ASIC2: variants seen among roughly 807,000 people sequenced by gnomAD.
ASIC2 encodes acid sensing ion channel subunit 2, also known as acid-sensing ion channel 2.
ASIC2 carries 25 observed loss-of-function variants against 57.3 expected under a neutral mutation model. The ratio of observed to expected loss-of-function variants is 0.44; its 90% confidence interval spans 0.32 to 0.61. ASIC2 has a LOEUF of 0.61. Ranked by LOEUF, ASIC2 falls within the 20% of genes least tolerant of loss-of-function variation. The probability of loss-of-function intolerance (pLI) is 0.06; values close to 1 mark genes in which losing one functional copy is unlikely to be tolerated. For synonymous variants in ASIC2, 319 were observed against 307.5 expected (o/e 1.04, Z -0.39); for missense variants, 641 against 738.1 (o/e 0.87, Z 1.52).
chr17:34,046,402 A>T (rs1003128427), intron 1 of ASIC2, among the ~76,000 whole-genome samples: 1 of 152,206 alleles, frequency 6.6e-6, no homozygotes, highest in African/African-American at 2.4e-5. Context: ...GGGTTGTGCA[A>T]TAGTACTTGA....
chr17:33,111,725 T>G, intron 2 of ASIC2, 192 bp downstream of exon 2: 48 of 628,642 alleles, frequency 7.6e-5, no homozygotes, highest in East Asian at 1.1e-4. Context: ...CTCTCTCACA[T>G]AGTAAAAGGT....
chr17:33,229,377 A>T, intron 1 of ASIC2, among the ~76,000 whole-genome samples: 1 of 152,170 alleles, frequency 6.6e-6, no homozygotes, highest in East Asian at 1.9e-4. Flanking sequence ...GACAGATATG[A>T]GGAATGTGGT....
intron 1 of ASIC2, among the ~76,000 whole-genome samples, chr17:33,568,043 AT>A (rs1286295448): frequency 6.6e-6 from 1 of 152,114 alleles, no homozygotes; most frequent in African/African-American, 2.4e-5. Context: ...TTGTTTTTAT[AT>A]TTGATTACTC....
rs189479442 is a variant in ASIC2 at position 33,355,301 on chromosome 17, C to T, written c.556-243234G>A. Among the ~76,000 whole-genome samples, 206 of 152,250 alleles carry T rather than the reference C, an allele frequency of 1.4e-3. 1 individual carries two copies. The highest frequency in any genetic ancestry group is 4.5e-3 in the African/African-American group (186 of 41,536). On this transcript the variant is annotated intron_variant, in intron 1 of 9. Coordinates refer to the ASIC2 transcript ENST00000359872. ...AGTGAGCCAAGATTGTGCCACTGCA[C>T]TCCAGCGTGGACAACACAAGACTCC...
chr17:33,535,771 AAAAG>A (rs1915209167), intron 1 of ASIC2, among the ~76,000 whole-genome samples: 1 of 152,262 alleles, frequency 6.6e-6, no homozygotes, highest in African/African-American at 2.4e-5. Context: ...TAAAAAATAA[AAAAG>A]AAGTCGTGTA....
At chr17:33,554,125 C>G (rs751150330) in intron 1 of ASIC2, among the ~76,000 whole-genome samples, 14 of 152,228 alleles carry the variant, frequency 9.2e-5, no homozygotes, top group Non-Finnish European at 2.1e-4. Context: ...TGGGGAAACA[C>G]TTTGCAAATT....
At position 34,095,607 on chromosome 17, in the gene ASIC2, TTATA is replaced by T. The variant is rs3071169; in HGVS notation, c.555+60367_555+60370del. On this transcript the variant is annotated intron_variant, in intron 1 of 9. Coordinates refer to the ASIC2 transcript ENST00000359872. ...AGAGTTGGGGAGAAGCAGGCAAATT[TTATA>T]TATATATATATATATATAATTTTAT... 1.0e-4 allele frequency among the ~76,000 whole-genome samples: 10 copies of T among 96,148 alleles called. No homozygotes were observed. The East Asian group carries it at 1.0e-3, about 10-fold the overall frequency. The allele number at this position is 96,148 out of a possible 152,430, so 63.1% of individuals were successfully genotyped here. A position where few individuals can be genotyped will look rare whatever the true frequency, so the allele number is the denominator to read the frequency against.
intron 1 of ASIC2, among the ~76,000 whole-genome samples, chr17:34,017,728 T>C (rs371999230): frequency 1.3e-5 from 2 of 152,316 alleles, no homozygotes; most frequent in African/African-American, 2.4e-5. Context: ...GTAACAGCAT[T>C]CCCTTAAGCC....
chr17:33,853,037 T>C (rs1913817578), intron 1 of ASIC2, among the ~76,000 whole-genome samples: 1 of 152,186 alleles, frequency 6.6e-6, no homozygotes. Context: ...CTCACAGTCA[T>C]GTACAGTCTC....
chr17:33,132,105 T>C (rs1160437914), intron 1 of ASIC2, among the ~76,000 whole-genome samples: 1 of 152,212 alleles, frequency 6.6e-6, no homozygotes, highest in Non-Finnish European at 1.5e-5. Context: ...TAGCCTGACC[T>C]GGGCCACAGC....
chr17:33,535,974 T>C (rs1465091461), intron 1 of ASIC2, among the ~76,000 whole-genome samples: 2 of 152,200 alleles, frequency 1.3e-5, no homozygotes, highest in African/African-American at 2.4e-5. Flanking sequence ...TCCTGACTAA[T>C]ACAGAAGAGT....
intron 1 of ASIC2, among the ~76,000 whole-genome samples, chr17:33,649,327 T>G (rs1462177682): frequency 2.0e-5 from 3 of 152,144 alleles, no homozygotes; most frequent in African/African-American, 7.2e-5. Context: ...ATAAAATAAT[T>G]ACAATCTAAA....
intron 1 of ASIC2, among the ~76,000 whole-genome samples, chr17:34,077,380 T>C (rs1428690502): frequency 6.6e-6 from 1 of 152,158 alleles, no homozygotes; most frequent in Non-Finnish European, 1.5e-5. Context: ...GTTCCTGCAA[T>C]AACCTAGGAG....
chr17:33,398,345 T>G (rs116225943), intron 1 of ASIC2, among the ~76,000 whole-genome samples: 2 of 152,174 alleles, frequency 1.3e-5, no homozygotes, highest in Non-Finnish European at 2.9e-5. Flanking sequence ...GTTAACACAA[T>G]GTAAGTTTCA....
At chr17:33,212,444 C>G (rs534409921) in intron 1 of ASIC2, among the ~76,000 whole-genome samples, 35 of 152,264 alleles carry the variant, frequency 2.3e-4, no homozygotes, top group Non-Finnish European at 4.3e-4. Flanking sequence ...TTCCAGGGAG[C>G]CTTCAGAAGG....
intron 1 of ASIC2, among the ~76,000 whole-genome samples, chr17:33,669,831 C>T (rs1907589683): frequency 6.6e-6 from 1 of 152,132 alleles, no homozygotes; most frequent in Non-Finnish European, 1.5e-5. Flanking sequence ...TCTTTGCCTG[C>T]CTGCCTGTTT....
chr17:33,437,111 C>T (rs1030231551), intron 1 of ASIC2, among the ~76,000 whole-genome samples: 5 of 151,778 alleles, frequency 3.3e-5, no homozygotes, highest in East Asian at 3.9e-4. Context: ...GTGATCTGCC[C>T]GCCTCGGCCT....
At chr17:33,956,787 A>T (rs1904748405) in intron 1 of ASIC2, among the ~76,000 whole-genome samples, 1 of 152,196 alleles carries the variant, frequency 6.6e-6, no homozygotes, top group Non-Finnish European at 1.5e-5. Flanking sequence ...TGAGATTCTC[A>T]AGTACTGACA....
At chr17:34,116,591 T>A (rs1036019091) in intron 1 of ASIC2, among the ~76,000 whole-genome samples, 13 of 152,176 alleles carry the variant, frequency 8.5e-5, no homozygotes, top group Admixed American at 1.3e-4. Flanking sequence ...TTCTTTCATT[T>A]CTTACCAATC....
Sources: gnomAD v4.1 joint callset for allele counts (sites outside exome capture counted in the v4.1 genomes callset) on GRCh38, gnomAD v4.1.1 for gene constraint, MANE v1.5 for transcripts, NCBI Gene and HGNC (gene_info 2026-07-23, HGNC 2026-07-21) for gene names.